DAB1: variants seen among roughly 807,000 people sequenced by gnomAD.
DAB1 encodes DAB adaptor protein 1, also known as disabled homolog 1.
DAB1 carries 15 observed loss-of-function variants against 64.6 expected under a neutral mutation model. The ratio of observed to expected loss-of-function variants is 0.23; its 90% CI spans 0.16 to 0.36. The LOEUF is 0.36. Ranked by LOEUF, DAB1 falls within the 10% of genes least tolerant of loss-of-function variation. DAB1 has a pLI of 1.00. For missense variants in DAB1, 596 were observed against 706.7 expected (o/e 0.84, Z 1.78); for synonymous variants, 235 against 251.9 (o/e 0.93, Z 0.64).
At chr1:57,918,288 A>G (rs1197190023) in intron 5 of DAB1, among the ~76,000 whole-genome samples, 1 of 152,154 alleles carries the variant, frequency 6.6e-6, no homozygotes, top group African/African-American at 2.4e-5. Flanking sequence ...GTAACAGAAA[A>G]TCTGAGACTG....
At chr1:57,409,595 G>A (rs555338180) in intron 1 of DAB1, among the ~76,000 whole-genome samples, 1 of 152,332 alleles carries the variant, frequency 6.6e-6, no homozygotes, top group East Asian at 1.9e-4. Context: ...CGGATCATGA[G>A]GTCAGGAATT....
chr1:58,227,203 G>T (rs1327783622), intron 4 of DAB1, among the ~76,000 whole-genome samples: 1 of 152,180 alleles, frequency 6.6e-6, no homozygotes, highest in Non-Finnish European at 1.5e-5. Flanking sequence ...CAGAAGAAAG[G>T]TTCAAAGAAG....
chr1:58,231,439 T>G (rs1247956978), intron 4 of DAB1, among the ~76,000 whole-genome samples: 1 of 152,182 alleles, frequency 6.6e-6, no homozygotes, highest in East Asian at 1.9e-4. Context: ...AACCAGATGT[T>G]GAACTCAAGT....
At chr1:57,625,719 A>T (rs963816518) in intron 7 of DAB1, among the ~76,000 whole-genome samples, 1 of 152,140 alleles carries the variant, frequency 6.6e-6, no homozygotes, top group African/African-American at 2.4e-5. Context: ...TCAGGCTGCT[A>T]AATTAGAGGA....
chr1:57,393,490 G>A (rs112944947), intron 1 of DAB1, among the ~76,000 whole-genome samples: 1,753 of 151,896 alleles, frequency 0.012, 14 homozygotes, highest in Non-Finnish European at 0.019. Context: ...CCCGGAGTTC[G>A]AGACCAGCCT....
At chr1:57,704,809 A>G (rs1040902311) in intron 6 of DAB1, among the ~76,000 whole-genome samples, 4 of 151,802 alleles carry the variant, frequency 2.6e-5, no homozygotes, top group Admixed American at 6.6e-5. Context: ...TAGATCTACT[A>G]GTCTATTGAA....
At chr1:57,324,299 C>T (rs1210567268) in intron 1 of DAB1, among the ~76,000 whole-genome samples, 1 of 152,230 alleles carries the variant, frequency 6.6e-6, no homozygotes, top group Non-Finnish European at 1.5e-5. Context: ...TAATCGTTCA[C>T]ATTTTTCTCT....
At chr1:57,463,376 G>A (rs1686851402) in intron 7 of DAB1, among the ~76,000 whole-genome samples, 1 of 152,110 alleles carries the variant, frequency 6.6e-6, no homozygotes, top group South Asian at 2.1e-4. Context: ...TATAATTCTT[G>A]AAATCACAAT....
intron 5 of DAB1, among the ~76,000 whole-genome samples, chr1:58,093,449 A>C (rs1650798549): frequency 6.6e-6 from 1 of 152,070 alleles, no homozygotes; most frequent in African/African-American, 2.4e-5. Flanking sequence ...GCCTTCTGTT[A>C]GATCTGTGGC....
At chr1:57,374,265 A>G (rs1366377258) in intron 1 of DAB1, among the ~76,000 whole-genome samples, 2 of 152,238 alleles carry the variant, frequency 1.3e-5, no homozygotes, top group African/African-American at 4.8e-5. Flanking sequence ...TCTTAAGAAT[A>G]GATAAGCATT....
chr1:57,404,817 T>C (rs766061899), intron 1 of DAB1, among the ~76,000 whole-genome samples: 6 of 152,230 alleles, frequency 3.9e-5, no homozygotes, highest in Non-Finnish European at 8.8e-5. Flanking sequence ...AGTATATTGC[T>C]AGACGCTAAT....
chr1:57,294,815 A>G (rs1000212748), intron 1 of DAB1, among the ~76,000 whole-genome samples: 1 of 152,166 alleles, frequency 6.6e-6, no homozygotes, highest in African/African-American at 2.4e-5. Flanking sequence ...CGTCTCTCCA[A>G]CTTCACTCAA....
chr1:58,342,803 C>T (rs1359257854), intron 4 of DAB1, among the ~76,000 whole-genome samples: 1 of 152,110 alleles, frequency 6.6e-6, no homozygotes, highest in African/African-American at 2.4e-5. Flanking sequence ...TTTCCCCTAT[C>T]GCCACCCCAT....
intron 7 of DAB1, among the ~76,000 whole-genome samples, chr1:57,612,321 C>T (rs775134069): frequency 4.6e-5 from 7 of 152,040 alleles, no homozygotes; most frequent in Non-Finnish European, 8.8e-5. Flanking sequence ...TCCTAATCCC[C>T]AAAACCTGTG....
At chr1:56,998,349 T>C (rs1039153882) in intron 14 of DAB1, among the ~76,000 whole-genome samples, 1 of 152,182 alleles carries the variant, frequency 6.6e-6, no homozygotes, top group African/African-American at 2.4e-5. Context: ...CGTTTTCAAG[T>C]TGGAACTGAT....
chr1:57,963,429 C>A (rs1248359120), intron 5 of DAB1, among the ~76,000 whole-genome samples: 1 of 152,170 alleles, frequency 6.6e-6, no homozygotes, highest in African/African-American at 2.4e-5. Flanking sequence ...ATTGCATTTA[C>A]CAATCACGGT....
intron 4 of DAB1, among the ~76,000 whole-genome samples, chr1:58,274,619 G>T (rs1039491461): frequency 1.3e-5 from 2 of 151,702 alleles, no homozygotes; most frequent in African/African-American, 2.4e-5. Context: ...CTGCCGCCTT[G>T]CAGTTTGATC....
At chr1:57,760,289 T>A (rs1169541890) in intron 6 of DAB1, among the ~76,000 whole-genome samples, 3 of 152,132 alleles carry the variant, frequency 2.0e-5, no homozygotes, top group Non-Finnish European at 2.9e-5. Context: ...CAAAACAACT[T>A]CCTTTGTATT....
intron 5 of DAB1, among the ~76,000 whole-genome samples, chr1:58,003,835 T>C (rs1192683976): frequency 2.0e-5 from 3 of 152,180 alleles, no homozygotes; most frequent in Admixed American, 1.3e-4. Flanking sequence ...CTTCTCAGAG[T>C]AGCTGTCCAG....
Sources: gnomAD v4.1 joint callset for allele counts (sites outside exome capture counted in the v4.1 genomes callset) on GRCh38, gnomAD v4.1.1 for gene constraint, MANE v1.5 for transcripts, NCBI Gene and HGNC (gene_info 2026-07-23, HGNC 2026-07-21) for gene names.